CCDC201: variants seen among roughly 807,000 people sequenced by gnomAD.
CCDC201 encodes coiled-coil domain containing 201.
chr7:45,885,057 T>G, the CCDC201 span, among the ~76,000 whole-genome samples: 3 of 152,034 alleles, frequency 2.0e-5, no homozygotes, highest in Non-Finnish European at 4.4e-5. Context: ...GTGGGGGATA[T>G]CAGGATAGAG....
the CCDC201 span, among the ~76,000 whole-genome samples, chr7:45,879,255 T>C: frequency 6.6e-6 from 1 of 152,204 alleles, no homozygotes; most frequent in African/African-American, 2.4e-5. Flanking sequence ...TCCCTCATCT[T>C]CTGTTTTCTT....
the CCDC201 span, among the ~76,000 whole-genome samples, chr7:45,880,468 G>A: frequency 6.6e-6 from 1 of 152,160 alleles, no homozygotes; most frequent in Non-Finnish European, 1.5e-5. Context: ...CCCAGGTGAT[G>A]GGCACACTGT....
chr7:45,881,973 G>A, the CCDC201 span, among the ~76,000 whole-genome samples: 2 of 152,240 alleles, frequency 1.3e-5, no homozygotes, highest in East Asian at 3.9e-4. Context: ...ATCAGCTTGG[G>A]AGATAAGGGC....
chr7:45,862,695 C>G (rs1180318360), exon 3 of CCDC201: 1 of 152,210 alleles, frequency 6.6e-6, no homozygotes, highest in Non-Finnish European at 1.5e-5. Context: ...CTACGGCCGC[C>G]CTCGCCTAGA....
intron 2 of CCDC201, among the ~76,000 whole-genome samples, chr7:45,863,533 T>C (rs144990679): frequency 6.6e-6 from 1 of 152,064 alleles, no homozygotes; most frequent in Non-Finnish European, 1.5e-5. Context: ...TCAGTCTAGA[T>C]GGGATTTTGT....
At chr7:45,882,706 C>T in the CCDC201 span, among the ~76,000 whole-genome samples, 1 of 152,170 alleles carries the variant, frequency 6.6e-6, no homozygotes, top group East Asian at 1.9e-4. Context: ...ATTATGTGTC[C>T]CTCACCTTTT....
chr7:45,873,920 C>CTTTT (rs201948561), upstream of CCDC201, among the ~76,000 whole-genome samples: 20 of 121,366 alleles, frequency 1.6e-4, no homozygotes, highest in Admixed American at 3.3e-4. Flanking sequence ...CATTTACTTA[C>CTTTT]TTTTTTTTTT....
At chr7:45,868,124 A>G (rs1786699695) in intron 1 of CCDC201, among the ~76,000 whole-genome samples, 1 of 152,196 alleles carries the variant, frequency 6.6e-6, no homozygotes, top group Admixed American at 6.5e-5. Flanking sequence ...TGAGGCTGTC[A>G]TTGAGGTATT....
the CCDC201 span, among the ~76,000 whole-genome samples, chr7:45,879,611 T>C: frequency 6.6e-6 from 1 of 152,084 alleles, no homozygotes; most frequent in Admixed American, 6.5e-5. Flanking sequence ...AGGGGGATGG[T>C]GTTAAACAAT....
chr7:45,870,651 A>G (rs1375007116), intron 1 of CCDC201, among the ~76,000 whole-genome samples: 1 of 152,242 alleles, frequency 6.6e-6, no homozygotes, highest in African/African-American at 2.4e-5. Flanking sequence ...TACAACAGAC[A>G]ATACAGCATC....
intron 1 of CCDC201, among the ~76,000 whole-genome samples, chr7:45,869,281 C>T (rs1786715349): frequency 6.6e-6 from 1 of 152,216 alleles, no homozygotes; most frequent in Admixed American, 6.5e-5. Flanking sequence ...AATCTGTTCT[C>T]ATTGATTTCT....
At chr7:45,873,442 C>T (rs751020570), upstream of CCDC201, among the ~76,000 whole-genome samples, 1 of 151,472 alleles carries the variant, frequency 6.6e-6, no homozygotes, top group Non-Finnish European at 1.5e-5. Context: ...CACTGGACTA[C>T]AAGGTATGTT....
At chr7:45,877,270 A>AT (rs1222147116), upstream of CCDC201, among the ~76,000 whole-genome samples, 2 of 152,052 alleles carry the variant, frequency 1.3e-5, no homozygotes, top group African/African-American at 4.8e-5. Flanking sequence ...CATTGAATAT[A>AT]TTTTTGTGGA....
the CCDC201 span, among the ~76,000 whole-genome samples, chr7:45,883,663 T>C: frequency 6.6e-6 from 1 of 152,226 alleles, no homozygotes; most frequent in Non-Finnish European, 1.5e-5. Context: ...TATCTGTCTC[T>C]AACTCTTCCT....
chr7:45,875,324 A>G (rs1003509841), upstream of CCDC201, among the ~76,000 whole-genome samples: 1 of 151,912 alleles, frequency 6.6e-6, no homozygotes, highest in Non-Finnish European at 1.5e-5. Context: ...GTGAAACCCC[A>G]TCTCTACTGA....
At chr7:45,875,673 C>T (rs1433927526), upstream of CCDC201, among the ~76,000 whole-genome samples, 1 of 152,168 alleles carries the variant, frequency 6.6e-6, no homozygotes, top group Non-Finnish European at 1.5e-5. Context: ...GATGGGGAAA[C>T]TGAGGGCAGC....
the CCDC201 span, among the ~76,000 whole-genome samples, chr7:45,881,328 G>A: frequency 2.6e-5 from 4 of 152,248 alleles, no homozygotes; most frequent in Non-Finnish European, 5.9e-5. Flanking sequence ...TCCCTCAAAT[G>A]TGTCCATTAC....
At chr7:45,878,159 C>A in the CCDC201 span, among the ~76,000 whole-genome samples, 1 of 152,240 alleles carries the variant, frequency 6.6e-6, no homozygotes, top group Non-Finnish European at 1.5e-5. Flanking sequence ...GGCATCTCTT[C>A]CCCTGTGGGA....
chr7:45,860,366 T>C (rs1786583178), exon 3 of CCDC201: 1 of 152,366 alleles, frequency 6.6e-6, no homozygotes, highest in African/African-American at 2.4e-5. Flanking sequence ...GATGTGTATG[T>C]GCATGTCACG....
Sources: gnomAD v4.1 joint callset for allele counts (sites outside exome capture counted in the v4.1 genomes callset) on GRCh38, gnomAD v4.1.1 for gene constraint, MANE v1.5 for transcripts, NCBI Gene and HGNC (gene_info 2026-07-23, HGNC 2026-07-21) for gene names.